The following TSPEAR variants were observed in gnomAD, a reference collection of about 807,000 sequenced individuals.
TSPEAR encodes the protein thrombospondin type laminin G domain and EAR repeats, also known as thrombospondin-type laminin G domain and EAR repeat-containing protein.
In TSPEAR, 69 loss-of-function variants were observed where a neutral mutation model predicts 71.6. That is an observed-to-expected ratio of 0.96 (90% CI 0.79 to 1.18). The LOEUF (loss-of-function observed/expected upper bound fraction) is 1.18, where lower values mean the gene tolerates loss of function less well. Ranked by LOEUF, TSPEAR falls within the 50% of genes most tolerant of loss-of-function variation. The pLI is 0.00. For synonymous variants in TSPEAR, 402 were observed against 387.2 expected (o/e 1.04, Z -0.45); for missense variants, 971 against 894.9 (o/e 1.09, Z -1.09).
chr21:44,670,930 A>G (rs1468486265), intron 1 of TSPEAR, among the ~76,000 whole-genome samples: 1 of 152,190 alleles, frequency 6.6e-6, no homozygotes, highest in Non-Finnish European at 1.5e-5. Flanking sequence ...GGGTTCATGA[A>G]CTTGCATGTA....
At position 44,695,568 on chromosome 21, in the gene TSPEAR, C is replaced by G. The variant is rs967812633; in HGVS notation, c.82+15865G>C. ...CCAATTTTTCCTCCAAGTTCCTGGT[C>G]CCTTGTGGTGGGCCAGTTTATTCAG... On this transcript the variant is annotated intron_variant, in intron 1 of 11. Transcript: ENST00000323084. The surrounding 1 kb of genome is among the most constrained non-coding windows in gnomAD (Gnocchi z 4.5). Among the ~76,000 whole-genome samples, 3 of 152,174 alleles carry G rather than the reference C, an allele frequency of 2.0e-5. No homozygotes were observed. The highest frequency in any genetic ancestry group is 4.4e-5 in the Non-Finnish European group (3 of 68,032).
chr21:44,551,613 C>G (rs2053442322), intron 2 of TSPEAR: 5 of 1,087,088 alleles, frequency 4.6e-6, no homozygotes, highest in Non-Finnish European at 6.5e-6. Flanking sequence ...GCAACGCCCT[C>G]CACTTCCGTG....
At chr21:44,673,572 C>G (rs991499486) in intron 1 of TSPEAR, among the ~76,000 whole-genome samples, 1 of 151,984 alleles carries the variant, frequency 6.6e-6, no homozygotes, top group Non-Finnish European at 1.5e-5. Flanking sequence ...TCAACAACAA[C>G]AAAAAAATTG....
intron 1 of TSPEAR, among the ~76,000 whole-genome samples, chr21:44,708,984 C>T (rs1346358332): frequency 3.9e-5 from 6 of 152,220 alleles, no homozygotes; most frequent in African/African-American, 1.2e-4. Context: ...GAGCAGGGTC[C>T]CGCGTGACCG....
At chr21:44,646,763 C>G in intron 1 of TSPEAR, 1 of 1,613,734 alleles carries the variant, frequency 6.2e-7, no homozygotes, top group Non-Finnish European at 8.5e-7. Flanking sequence ...TGCTGTGTGC[C>G]TGTCTGCTGC....
chr21:44,621,437 C>T (rs1189323426), intron 1 of TSPEAR, among the ~76,000 whole-genome samples: 2 of 152,116 alleles, frequency 1.3e-5, no homozygotes, highest in Non-Finnish European at 2.9e-5. Context: ...GTCCTGTGGG[C>T]CCAGCCCCCG....
rs781989806 is a variant in TSPEAR at position 44,499,811 on chromosome 21, G to A, written c.1982C>T (p.Ser661Phe). ...LIYSSAKEPL[S>F]RVLRLRTR ...GCGTGTCCTCAGCCGCAGGACCCTG[G>A]AGAGGGGCTCCTTGGCGCTGGAGTA... is the stretch of plus-strand genomic sequence containing the variant. Residue 661 changes from serine to phenylalanine, a missense_variant, in exon 12 of 12, where the codon TCC becomes TTC. By Grantham distance (155) the Ser-to-Phe change is radical. Transcript: ENST00000323084. 1 of 1,578,172 alleles carries A rather than the reference G, an allele frequency of 6.3e-7. No individual in the cohort carries two copies. Among genetic ancestry groups the A allele is most frequent in the South Asian group, 1.2e-5 (1 of 86,110 alleles).
rs1982562294 is a variant in TSPEAR at position 44,623,221 on chromosome 21, G to T, written c.83-55216C>A. ...AGGTTCTGGGTGGATATGACTTTTG[G>T]GGAGGCAAGATTCAACCCACTACAC... On this transcript the variant is annotated intron_variant, in intron 1 of 11. Coordinates refer to ENST00000323084, the MANE Select transcript of TSPEAR (RefSeq NM_144991.3). The surrounding 1 kb of genome is among the most constrained non-coding windows in gnomAD (Gnocchi z 4.5). Among the ~76,000 whole-genome samples, 2 of 152,144 alleles carry T rather than the reference G, an allele frequency of 1.3e-5. No homozygotes were observed. The highest frequency in any genetic ancestry group is 1.5e-5 in the Non-Finnish European group (1 of 68,020).
At chr21:44,675,140 C>G (rs1315398384) in intron 1 of TSPEAR, among the ~76,000 whole-genome samples, 1 of 152,050 alleles carries the variant, frequency 6.6e-6, no homozygotes, top group Non-Finnish European at 1.5e-5. Flanking sequence ...AAGTACAGAC[C>G]AATATCCCCA....
chr21:44,555,047 T>C (rs1206443789), intron 2 of TSPEAR, among the ~76,000 whole-genome samples: 1 of 152,198 alleles, frequency 6.6e-6, no homozygotes, highest in African/African-American at 2.4e-5. Flanking sequence ...ACAGAATGTA[T>C]ATTTTTCAAA....
At chr21:44,629,180 G>A (rs1281619230) in intron 1 of TSPEAR, among the ~76,000 whole-genome samples, 1 of 152,208 alleles carries the variant, frequency 6.6e-6, no homozygotes, top group African/African-American at 2.4e-5. Context: ...CGCCTTAGGA[G>A]AGCATAGTCG....
chr21:44,557,676 CT>C (rs1437787423), intron 2 of TSPEAR: 2 of 276,322 alleles, frequency 7.2e-6, no homozygotes, highest in African/African-American at 2.2e-5. Flanking sequence ...GCCTCCGCCC[CT>C]GGTGCTGTCA....
At chr21:44,518,650 A>G (rs2052662349) in intron 9 of TSPEAR, 2 of 469,074 alleles carry the variant, frequency 4.3e-6, no homozygotes, top group Non-Finnish European at 8.8e-6. Context: ...TGCTCTCAAG[A>G]CCCCCTGGAG....
intron 1 of TSPEAR, among the ~76,000 whole-genome samples, chr21:44,704,329 G>A (rs528655554): frequency 5.3e-5 from 8 of 152,150 alleles, no homozygotes. Context: ...TGGCTGTTGG[G>A]GCCTGAAATT....
intron 1 of TSPEAR, among the ~76,000 whole-genome samples, chr21:44,591,022 G>T (rs587638638): frequency 6.6e-6 from 1 of 152,210 alleles, no homozygotes; most frequent in East Asian, 1.9e-4. Flanking sequence ...CCTGCTGGGG[G>T]TCAGGACTCT....
At chr21:44,615,279 C>T (rs114359808) in intron 1 of TSPEAR, among the ~76,000 whole-genome samples, 2,245 of 152,358 alleles carry the variant, frequency 0.015, 50 homozygotes, top group South Asian at 0.046. Flanking sequence ...GCACGAGGGC[C>T]GTGCGCTCAC....
At chr21:44,639,444 C>T (rs951924912) in intron 1 of TSPEAR, among the ~76,000 whole-genome samples, 2 of 152,202 alleles carry the variant, frequency 1.3e-5, no homozygotes, top group African/African-American at 4.8e-5. Context: ...TCAGCACAGC[C>T]GCCTCGCTCA....
intron 1 of TSPEAR, among the ~76,000 whole-genome samples, chr21:44,569,889 T>A (rs2053766084): frequency 6.6e-6 from 1 of 152,068 alleles, no homozygotes; most frequent in South Asian, 2.1e-4. Context: ...AGGGCTCTGA[T>A]GTTGGCCCAA....
intron 11 of TSPEAR, among the ~76,000 whole-genome samples, chr21:44,503,046 G>T (rs1264355517): frequency 2.1e-5 from 3 of 143,772 alleles, no homozygotes; most frequent in Non-Finnish European, 1.5e-5. Flanking sequence ...GGGAAGCAAG[G>T]CTCTGGGAGG....
Sources: allele counts gnomAD v4.1 joint callset (sites outside exome capture counted in the v4.1 genomes callset), GRCh38; gene constraint gnomAD v4.1.1; non-coding constraint Gnocchi (gnomAD v3.1); transcripts MANE v1.5; gene names NCBI Gene and HGNC (gene_info 2026-07-23, HGNC 2026-07-21).